GNB4: variants seen among roughly 807,000 people sequenced by gnomAD.
GNB4 encodes the protein G protein subunit beta 4, also known as guanine nucleotide-binding protein subunit beta-4.
Under a neutral mutation model 45.2 loss-of-function variants are expected in GNB4, and 28 were observed. The ratio of observed to expected loss-of-function variants is 0.62; its 90% CI spans 0.46 to 0.85. The LOEUF is 0.85. Ranked by LOEUF, GNB4 falls within the 40% of genes least tolerant of loss-of-function variation. The pLI is 0.00. For missense variants in GNB4, 321 were observed against 425.4 expected, an observed-to-expected ratio of 0.75 and a Z score of 2.16; for synonymous variants, 132 against 143.7, an observed-to-expected ratio of 0.92 and a Z score of 0.58.
Position 179,415,029 on chromosome 3 carries a change from T to C in GNB4, c.286A>G (p.Arg96Gly). The part of the protein sequence containing the change: ...TTNKMHAIPL[R>G]SSWVMTCAYA... ...GCACAGGTCATCACCCAGGAGGACC[T>C]CAAAGGAATAGCATGCATCTGTAGG... Residue 96 changes from arginine to glycine, a missense_variant, in exon 6 of 10, where the codon AGG (arginine) becomes GGG (glycine). Coordinates refer to ENST00000232564, the MANE Select transcript of GNB4 (RefSeq NM_021629.4). The C allele has an allele frequency of 6.2e-7, 1 of 1,603,902 alleles. No individual in the cohort carries two copies.
At chr3:179,426,592 G>C (rs1715153067) in intron 1 of GNB4, among the ~76,000 whole-genome samples, 1 of 152,022 alleles carries the variant, frequency 6.6e-6, no homozygotes, top group Non-Finnish European at 1.5e-5. Context: ...ACCTAACACA[G>C]TACCTCAAAA....
chr3:179,495,816 T>C, the GNB4 span, among the ~76,000 whole-genome samples: 2 of 152,206 alleles, frequency 1.3e-5, no homozygotes, highest in African/African-American at 4.8e-5. Flanking sequence ...ATATTTGAAG[T>C]GTTAAAAGAT....
At chr3:179,478,084 A>G in the GNB4 span, among the ~76,000 whole-genome samples, 1 of 152,146 alleles carries the variant, frequency 6.6e-6, no homozygotes, top group Non-Finnish European at 1.5e-5. Context: ...ATGCTGTGAT[A>G]TTTTCTGGAA....
At chr3:179,519,559 G>A in the GNB4 span, among the ~76,000 whole-genome samples, 184 of 152,220 alleles carry the variant, frequency 1.2e-3, 3 homozygotes, top group East Asian at 9.8e-3. Context: ...GTGCCAACTT[G>A]GACAACACTC....
the GNB4 span, among the ~76,000 whole-genome samples, chr3:179,517,984 G>A: frequency 1.3e-4 from 20 of 151,914 alleles, no homozygotes; most frequent in Middle Eastern, 6.8e-3. Flanking sequence ...CCTTCTCTCC[G>A]TGTCTCTACC....
the GNB4 span, among the ~76,000 whole-genome samples, chr3:179,480,914 C>T: frequency 1.4e-5 from 2 of 146,274 alleles, no homozygotes; most frequent in African/African-American, 2.5e-5. Context: ...TGCAGTGGCG[C>T]GATCTCGGCT....
rs796828210 is a variant in GNB4 at position 179,446,346 on chromosome 3, C to T, written c.-43+5000G>A. 3.1e-4 allele frequency among the ~76,000 whole-genome samples: 47 copies of T among 152,306 alleles called. 1 individual carries two copies. Among genetic ancestry groups the T allele is most frequent in the African/African-American group, 1.1e-3 (44 of 41,562 alleles). On this transcript the variant is annotated intron_variant, in intron 1 of 9. Coordinates refer to ENST00000232564, the MANE Select transcript of GNB4 (RefSeq NM_021629.4). ...TAAAGGTTCACTGAAATTATTACTA[C>T]AGTTGAGAGAAAGAGGTCTTTGAAC...
At chr3:179,484,593 A>ATT in the GNB4 span, among the ~76,000 whole-genome samples, 1 of 148,328 alleles carries the variant, frequency 6.7e-6, no homozygotes, top group Non-Finnish European at 1.5e-5. Context: ...GTATAGTGCC[A>ATT]TTTTTTTTTT....
At chr3:179,451,086 C>G (rs1018801347) in intron 1 of GNB4, 1 of 152,178 alleles carries the variant, frequency 6.6e-6, no homozygotes, top group Non-Finnish European at 1.5e-5. Flanking sequence ...GGCGAGCGGT[C>G]TGGACCGCCC....
At chr3:179,424,206 TCA>T (rs1384643130) in intron 2 of GNB4, among the ~76,000 whole-genome samples, 3 of 152,214 alleles carry the variant, frequency 2.0e-5, no homozygotes, top group Non-Finnish European at 4.4e-5. Flanking sequence ...ACCATCGACT[TCA>T]CAGAGTCGGT....
At chr3:179,500,906 T>C in the GNB4 span, among the ~76,000 whole-genome samples, 1 of 152,252 alleles carries the variant, frequency 6.6e-6, no homozygotes, top group Non-Finnish European at 1.5e-5. Context: ...ACAGGAATGC[T>C]TGTGATTTTT....
At chr3:179,451,725 T>A (rs1232322276), upstream of GNB4, 1 of 152,094 alleles carries the variant, frequency 6.6e-6, no homozygotes, top group Non-Finnish European at 1.5e-5. Context: ...CCGGGCAGTT[T>A]CGTTTTCTTG....
the GNB4 span, among the ~76,000 whole-genome samples, chr3:179,464,121 C>G: frequency 1.3e-5 from 2 of 152,010 alleles, no homozygotes; most frequent in African/African-American, 4.8e-5. Flanking sequence ...TCTAAGCCCC[C>G]CAACCAATGG....
the GNB4 span, among the ~76,000 whole-genome samples, chr3:179,476,765 C>G: frequency 6.6e-6 from 1 of 152,214 alleles, no homozygotes; most frequent in Non-Finnish European, 1.5e-5. Context: ...ACAGCTTGTA[C>G]CTTTTGTAGC....
intron 1 of GNB4, among the ~76,000 whole-genome samples, chr3:179,440,880 T>TAGATAGAGAGAGAGAGAGAG (rs1553769655): frequency 4.0e-5 from 6 of 149,030 alleles, no homozygotes; most frequent in African/African-American, 1.5e-4. Flanking sequence ...TATAGATAGA[T>TAGATAGAGAGAGAGAGAGAG]AGAGAGAGAG....
chr3:179,438,551 T>C (rs1044804044), intron 1 of GNB4, among the ~76,000 whole-genome samples: 5 of 152,214 alleles, frequency 3.3e-5, no homozygotes, highest in African/African-American at 1.2e-4. Flanking sequence ...CAGTGATTAA[T>C]TGACAGATCT....
the GNB4 span, among the ~76,000 whole-genome samples, chr3:179,481,005 C>T: frequency 6.6e-6 from 1 of 151,942 alleles, no homozygotes; most frequent in African/African-American, 2.4e-5. Flanking sequence ...CGCCCGCCAC[C>T]ACGCCCGGCT....
In GNB4 at chr3:179,430,113, GACAA is replaced by G. The variant is rs201675756; in HGVS notation, c.-42-3875_-42-3872del. On this transcript the variant is annotated intron_variant, in intron 1 of 9. Transcript: ENST00000232564. ...AGACAGACAGACAGACAGACAGACA[GACAA>G]AGGCCTCACTCTGCTGCCCAGGCTG... 2.3e-3 allele frequency among the ~76,000 whole-genome samples: 314 copies of G among 138,584 alleles called. 1 individual carries two copies. The highest frequency in any genetic ancestry group is 8.6e-3 in the African/African-American group (302 of 34,936). 90.9% of individuals were successfully genotyped at this position (138,584 alleles called of 152,430 possible).
chr3:179,495,019 C>T, the GNB4 span, among the ~76,000 whole-genome samples: 1 of 151,760 alleles, frequency 6.6e-6, no homozygotes, highest in Non-Finnish European at 1.5e-5. Flanking sequence ...TCAAAGGTTC[C>T]CATTCAGGTA....
Sources: gnomAD v4.1 joint callset for allele counts (sites outside exome capture counted in the v4.1 genomes callset) on GRCh38, gnomAD v4.1.1 for gene constraint, MANE v1.5 for transcripts, NCBI Gene and HGNC (gene_info 2026-07-23, HGNC 2026-07-21) for gene names.